The following SUPT3H variants were observed in gnomAD, a reference collection of about 807,000 sequenced individuals.
SUPT3H encodes the protein transcription initiation protein SPT3 homolog.
In SUPT3H, 44 loss-of-function variants were observed where a neutral mutation model predicts 44.3. The ratio of observed to expected loss-of-function variants is 0.99; its 90% CI spans 0.78 to 1.28. The LOEUF (loss-of-function observed/expected upper bound fraction) is 1.28, where lower values mean the gene tolerates loss of function less well. Ranked by LOEUF, SUPT3H falls within the 50% of genes most tolerant of loss-of-function variation. The pLI, the probability that SUPT3H is intolerant of heterozygous loss-of-function variation, is 0.00. For synonymous variants in SUPT3H, 124 were observed against 125.6 expected, an observed-to-expected ratio of 0.99 and a Z score of 0.09; for missense variants, 380 against 387.1, an observed-to-expected ratio of 0.98 and a Z score of 0.15.
At chr6:44,904,948 G>C (rs1024172860) in intron 10 of SUPT3H, among the ~76,000 whole-genome samples, 2 of 152,178 alleles carry the variant, frequency 1.3e-5, no homozygotes, top group South Asian at 2.1e-4. Flanking sequence ...TAATGGTGCT[G>C]GGAACACTGG....
chr6:45,299,711 T>C (rs1781844432), intron 2 of SUPT3H, among the ~76,000 whole-genome samples: 1 of 150,968 alleles, frequency 6.6e-6, no homozygotes, highest in Non-Finnish European at 1.5e-5. Context: ...GCCAAGGAGT[T>C]TCAGACCAGC....
chr6:44,964,695 A>C (rs781223704), intron 6 of SUPT3H, among the ~76,000 whole-genome samples: 3 of 152,184 alleles, frequency 2.0e-5, no homozygotes, highest in Non-Finnish European at 4.4e-5. Flanking sequence ...TCGAAGCAGT[A>C]AACTTTGATC....
chr6:45,342,672 T>C (rs1790042655), intron 2 of SUPT3H, among the ~76,000 whole-genome samples: 1 of 152,184 alleles, frequency 6.6e-6, no homozygotes. Flanking sequence ...TTTTTTTTTA[T>C]TTGCCAATAT....
At chr6:45,015,702 CT>C (rs140154716) in intron 4 of SUPT3H, among the ~76,000 whole-genome samples, 2,083 of 152,006 alleles carry the variant, frequency 0.014, 58 homozygotes, top group African/African-American at 0.048. Context: ...AACGTTTTTC[CT>C]TTATATCCTT....
chr6:45,007,681 T>A (rs1238191764), intron 5 of SUPT3H, among the ~76,000 whole-genome samples: 2 of 152,202 alleles, frequency 1.3e-5, no homozygotes, highest in East Asian at 3.9e-4. Flanking sequence ...TTACGTTCTG[T>A]CTTAGCTTCC....
chr6:45,336,480 G>A (rs1216494759), intron 2 of SUPT3H, among the ~76,000 whole-genome samples: 1 of 151,214 alleles, frequency 6.6e-6, no homozygotes, highest in Non-Finnish European at 1.5e-5. Context: ...TAAATATTCT[G>A]GTCCTATCAA....
At chr6:44,884,587 C>T (rs1778821411) in intron 10 of SUPT3H, among the ~76,000 whole-genome samples, 1 of 152,134 alleles carries the variant, frequency 6.6e-6, no homozygotes, top group Non-Finnish European at 1.5e-5. Context: ...GGAACCAACC[C>T]AAATGCCTAT....
At chr6:45,039,979 G>A (rs1305224622) in intron 3 of SUPT3H, among the ~76,000 whole-genome samples, 1 of 152,158 alleles carries the variant, frequency 6.6e-6, no homozygotes. Context: ...ACTGGCAACA[G>A]GATTTTGCAG....
intron 2 of SUPT3H, among the ~76,000 whole-genome samples, chr6:45,284,513 T>G (rs1051966853): frequency 6.6e-6 from 1 of 152,010 alleles, no homozygotes; most frequent in Non-Finnish European, 1.5e-5. Flanking sequence ...ATAAATTCCT[T>G]AACACATACA....
chr6:45,351,501 C>A (rs1376496597), intron 2 of SUPT3H, among the ~76,000 whole-genome samples: 1 of 152,118 alleles, frequency 6.6e-6, no homozygotes, highest in Non-Finnish European at 1.5e-5. Flanking sequence ...CCACAGCACA[C>A]AGAAAGGAAA....
intron 3 of SUPT3H, among the ~76,000 whole-genome samples, chr6:45,025,037 A>G (rs1416216375): frequency 1.3e-5 from 2 of 152,188 alleles, no homozygotes; most frequent in African/African-American, 4.8e-5. Context: ...CTTAGACTCC[A>G]TAATTGCATA....
intron 3 of SUPT3H, among the ~76,000 whole-genome samples, chr6:45,085,358 T>A (rs116798068): frequency 0.019 from 2,949 of 152,248 alleles, 54 homozygotes; most frequent in South Asian, 0.084. Context: ...TAAATGTGTG[T>A]GACATTCTCA....
intron 2 of SUPT3H, among the ~76,000 whole-genome samples, chr6:45,128,708 CAG>C (rs1179085455): frequency 3.6e-5 from 5 of 140,462 alleles, no homozygotes; most frequent in South Asian, 2.2e-4. Flanking sequence ...TTTTTTGAGA[CAG>C]AGTCTCCTTC....
At chr6:45,009,165 C>G (rs1037718706) in intron 5 of SUPT3H, among the ~76,000 whole-genome samples, 2 of 152,076 alleles carry the variant, frequency 1.3e-5, no homozygotes, top group Non-Finnish European at 2.9e-5. Context: ...TTGATATATT[C>G]TATACAAAAG....
chr6:45,069,185 T>C (rs941109973), intron 3 of SUPT3H, among the ~76,000 whole-genome samples: 1 of 151,992 alleles, frequency 6.6e-6, no homozygotes, highest in Non-Finnish European at 1.5e-5. Context: ...ATTATAAAGG[T>C]AGTAAAAGAA....
At chr6:44,933,983 G>A (rs527413233) in intron 9 of SUPT3H, among the ~76,000 whole-genome samples, 10 of 152,254 alleles carry the variant, frequency 6.6e-5, no homozygotes, top group African/African-American at 2.4e-4. Flanking sequence ...TTTTTGAAAT[G>A]GAAGCTCATT....
intron 6 of SUPT3H, among the ~76,000 whole-genome samples, chr6:44,991,115 G>A (rs1780558295): frequency 6.6e-6 from 1 of 151,874 alleles, no homozygotes; most frequent in Non-Finnish European, 1.5e-5. Context: ...TTCAAGGTAG[G>A]ACATGTAAAA....
At chr6:45,080,951 T>C (rs1335176424) in intron 3 of SUPT3H, among the ~76,000 whole-genome samples, 2 of 151,958 alleles carry the variant, frequency 1.3e-5, no homozygotes, top group Non-Finnish European at 2.9e-5. Context: ...AAAGCACAAA[T>C]GCTTGAGGTG....
At chr6:45,224,691 T>C (rs1231338541) in intron 2 of SUPT3H, among the ~76,000 whole-genome samples, 2 of 151,676 alleles carry the variant, frequency 1.3e-5, no homozygotes, top group Non-Finnish European at 2.9e-5. Flanking sequence ...GGCAGGAGAA[T>C]TGCTTGAACC....
Sources: gnomAD v4.1 joint callset for allele counts (sites outside exome capture counted in the v4.1 genomes callset) on GRCh38, gnomAD v4.1.1 for gene constraint, MANE v1.5 for transcripts, NCBI Gene and HGNC (gene_info 2026-07-23, HGNC 2026-07-21) for gene names.